Variants in PVT1 observed in about 807,000 individuals in gnomAD.
PVT1 encodes CXCR4/PVT1 fusion.
intron 3 of PVT1, among the ~76,000 whole-genome samples, chr8:127,967,079 A>T (rs1816711057): frequency 6.6e-6 from 1 of 152,140 alleles, no homozygotes; most frequent in Non-Finnish European, 1.5e-5. Flanking sequence ...ACACCTGACA[A>T]CGCCTTGGGT....
intron 2 of PVT1, among the ~76,000 whole-genome samples, chr8:127,807,757 G>A (rs1327326343): frequency 1.3e-5 from 2 of 151,996 alleles, no homozygotes; most frequent in Non-Finnish European, 2.9e-5. Context: ...TAGGTTCTTT[G>A]AATTTTTCTT....
At chr8:128,057,111 C>T (rs1382615120) in intron 4 of PVT1, among the ~76,000 whole-genome samples, 2 of 152,348 alleles carry the variant, frequency 1.3e-5, no homozygotes, top group East Asian at 1.9e-4. Context: ...CTGAGCTTCC[C>T]TCCCATTCAC....
chr8:128,061,425 T>C (rs1554608355), intron 4 of PVT1, among the ~76,000 whole-genome samples: 1 of 152,192 alleles, frequency 6.6e-6, no homozygotes, highest in Non-Finnish European at 1.5e-5. Context: ...GTTGTTTCTT[T>C]GGGGGTGGGG....
At chr8:127,808,481 G>A (rs1237788995) in intron 2 of PVT1, among the ~76,000 whole-genome samples, 1 of 152,208 alleles carries the variant, frequency 6.6e-6, no homozygotes, top group Non-Finnish European at 1.5e-5. Context: ...GGCTGGAAAG[G>A]AGTGAACGTC....
chr8:128,022,033 C>T (rs1817444539), intron 4 of PVT1, among the ~76,000 whole-genome samples: 1 of 152,184 alleles, frequency 6.6e-6, no homozygotes, highest in South Asian at 2.1e-4. Flanking sequence ...GCCTGGGCCA[C>T]AGAGCGAGAC....
chr8:127,982,459 G>C (rs117802705), intron 3 of PVT1, among the ~76,000 whole-genome samples: 1 of 151,998 alleles, frequency 6.6e-6, no homozygotes, highest in Non-Finnish European at 1.5e-5. Context: ...TCATGACTTC[G>C]CACTCATGGC....
intron 2 of PVT1, among the ~76,000 whole-genome samples, chr8:127,809,584 G>C (rs1770407337): frequency 6.6e-6 from 1 of 152,148 alleles, no homozygotes; most frequent in Admixed American, 6.6e-5. Flanking sequence ...GACCAGCCTG[G>C]AGTCTCTTTG....
intron 2 of PVT1, among the ~76,000 whole-genome samples, chr8:127,862,206 G>A (rs756079616): frequency 6.6e-6 from 1 of 152,134 alleles, no homozygotes; most frequent in Non-Finnish European, 1.5e-5. Flanking sequence ...TCAGGAGTTC[G>A]AGACCAGCCT....
intron 3 of PVT1, among the ~76,000 whole-genome samples, chr8:127,891,932 A>C (rs1815607160): frequency 6.6e-6 from 1 of 152,190 alleles, no homozygotes; most frequent in Admixed American, 6.5e-5. Context: ...TGACAAGTGG[A>C]AGGACTGGCC....
chr8:127,967,897 A>G (rs935355854), intron 3 of PVT1, among the ~76,000 whole-genome samples: 2 of 152,198 alleles, frequency 1.3e-5, no homozygotes, highest in Admixed American at 6.5e-5. Flanking sequence ...GTTTGCCTCC[A>G]CTGACATTTA....
chr8:127,946,024 C>T (rs937128257), intron 3 of PVT1, among the ~76,000 whole-genome samples: 11 of 152,124 alleles, frequency 7.2e-5, no homozygotes, highest in African/African-American at 1.7e-4. Flanking sequence ...TGAATGTGTA[C>T]GAAGGGGTTT....
chr8:128,060,697 A>G (rs895995280), intron 4 of PVT1, among the ~76,000 whole-genome samples: 1 of 152,214 alleles, frequency 6.6e-6, no homozygotes, highest in South Asian at 2.1e-4. Context: ...CGATGAAGGA[A>G]AACTGGTCTG....
intron 2 of PVT1, among the ~76,000 whole-genome samples, chr8:127,879,108 T>C (rs1472371075): frequency 1.3e-5 from 2 of 152,254 alleles, no homozygotes. Flanking sequence ...AATCTCTATT[T>C]TCCTTGCATT....
chr8:127,890,740 C>A (rs1815590525), exon 3 of PVT1: 1 of 152,230 alleles, frequency 6.6e-6, no homozygotes, highest in African/African-American at 2.4e-5. Flanking sequence ...TGGAACCATG[C>A]ACTGGAATGA....
At chr8:127,943,950 T>G (rs866361521) in intron 3 of PVT1, among the ~76,000 whole-genome samples, 1 of 152,224 alleles carries the variant, frequency 6.6e-6, no homozygotes, top group African/African-American at 2.4e-5. Flanking sequence ...TCCCATCTAC[T>G]TCAGGACTTT....
chr8:127,968,856 G>C (rs1387886176), intron 3 of PVT1, among the ~76,000 whole-genome samples: 1 of 152,112 alleles, frequency 6.6e-6, no homozygotes, highest in Non-Finnish European at 1.5e-5. Flanking sequence ...GTGGAGATTA[G>C]AGGGATACAG....
intron 4 of PVT1, among the ~76,000 whole-genome samples, chr8:128,044,975 T>C (rs982984592): frequency 1.3e-5 from 2 of 152,222 alleles, no homozygotes; most frequent in Non-Finnish European, 1.5e-5. Context: ...AGTAAGTAGA[T>C]AAAGGAATGA....
At chr8:127,956,383 A>G (rs1221395931) in intron 3 of PVT1, among the ~76,000 whole-genome samples, 1 of 152,270 alleles carries the variant, frequency 6.6e-6, no homozygotes, top group Admixed American at 6.5e-5. Flanking sequence ...GTAGGGACAG[A>G]TAGGGAGCTG....
At chr8:127,869,798 GGTTTTT>G (rs1377841598) in intron 2 of PVT1, among the ~76,000 whole-genome samples, 4 of 151,874 alleles carry the variant, frequency 2.6e-5, no homozygotes, top group Middle Eastern at 3.2e-3. Flanking sequence ...TTGGACATAG[GGTTTTT>G]GTTTTTGTTT....
Sources: gnomAD v4.1 joint callset for allele counts (sites outside exome capture counted in the v4.1 genomes callset) on GRCh38, gnomAD v4.1.1 for gene constraint, MANE v1.5 for transcripts, NCBI Gene and HGNC (gene_info 2026-07-23, HGNC 2026-07-21) for gene names.